GPC4: variants seen among roughly 807,000 people sequenced by gnomAD.
GPC4 encodes the protein glypican 4.
GPC4 carries 10 observed loss-of-function variants against 35.0 expected under a neutral mutation model. That is an observed-to-expected ratio of 0.29 (90% CI 0.18 to 0.48). The LOEUF is 0.48. GPC4 is among the 20% of genes least tolerant of loss of function. GPC4 has a pLI of 0.99. For synonymous variants in GPC4, 167 were observed against 170.2 expected (o/e 0.98, Z 0.15); for missense variants, 322 against 451.3 (o/e 0.71, Z 2.60).
intron 1 of GPC4, among the ~76,000 whole-genome samples, chrX:133,371,961 C>T (rs1198737496): frequency 9.0e-6 from 1 of 111,077 alleles, no homozygotes; most frequent in Non-Finnish European, 1.9e-5. Flanking sequence ...AGGCCGGGCG[C>T]GGTGGCTCAC....
intron 1 of GPC4, among the ~76,000 whole-genome samples, chrX:133,408,896 G>A (rs2068800338): frequency 9.0e-6 from 1 of 111,100 alleles, no homozygotes. Flanking sequence ...TGGAATGGTG[G>A]TTCATGCCTG....
chrX:133,307,544 A>G (rs932474334), intron 4 of GPC4, among the ~76,000 whole-genome samples: 1 of 112,092 alleles, frequency 8.9e-6, no homozygotes, highest in East Asian at 2.8e-4. Flanking sequence ...AACTCTAAGT[A>G]AGGGCTGAAA....
intron 1 of GPC4, among the ~76,000 whole-genome samples, chrX:133,358,949 C>T (rs2068554167): frequency 9.0e-6 from 1 of 110,682 alleles, no homozygotes. Context: ...CCAAGATCTA[C>T]AGCCAAGATC....
intron 1 of GPC4, among the ~76,000 whole-genome samples, chrX:133,342,014 C>T (rs112635240): frequency 2.6e-4 from 27 of 105,873 alleles, no homozygotes; most frequent in Middle Eastern, 4.8e-3. Flanking sequence ...CACTGGGGCA[C>T]GTCTTTGTTT....
At chrX:133,390,891 C>T (rs1271649570) in intron 1 of GPC4, among the ~76,000 whole-genome samples, 2 of 111,735 alleles carry the variant, frequency 1.8e-5, no homozygotes. Flanking sequence ...CAGGGACTAG[C>T]ATCCAGGCTT....
chrX:133,353,419 G>A (rs145721625), intron 1 of GPC4, among the ~76,000 whole-genome samples: 237 of 111,971 alleles, frequency 2.1e-3, no homozygotes, highest in African/African-American at 6.4e-3. Context: ...GCTTGAGACC[G>A]GATGCTCACA....
intron 1 of GPC4, among the ~76,000 whole-genome samples, chrX:133,349,651 C>T (rs777020872): frequency 8.9e-6 from 1 of 112,180 alleles, no homozygotes; most frequent in South Asian, 3.7e-4. Context: ...CACAGGGTCT[C>T]GCTTTGTCAC....
chrX:133,384,929 G>A (rs2068681509), intron 1 of GPC4, among the ~76,000 whole-genome samples: 2 of 111,982 alleles, frequency 1.8e-5, no homozygotes, highest in Admixed American at 9.5e-5. Context: ...GATCTCTGCA[G>A]AAGCCCTCTG....
intron 1 of GPC4, among the ~76,000 whole-genome samples, chrX:133,351,415 G>A (rs919968285): frequency 1.0e-5 from 1 of 98,379 alleles, no homozygotes; most frequent in Admixed American, 1.2e-4. Flanking sequence ...AATAGATCAC[G>A]TGCAATGGTT....
chrX:133,335,831 T>C (rs2068440692), intron 2 of GPC4, among the ~76,000 whole-genome samples: 1 of 112,399 alleles, frequency 8.9e-6, no homozygotes, highest in South Asian at 3.7e-4. Flanking sequence ...CTCATAGACA[T>C]AGACAGGTTT....
chrX:133,339,927 T>C (rs2068459300), intron 1 of GPC4, among the ~76,000 whole-genome samples: 1 of 112,215 alleles, frequency 8.9e-6, no homozygotes, highest in Non-Finnish European at 1.9e-5. Context: ...GGGGTGATGG[T>C]AATCCTCAAT....
intron 1 of GPC4, among the ~76,000 whole-genome samples, chrX:133,378,508 G>A (rs1408945953): frequency 1.9e-5 from 2 of 105,543 alleles, no homozygotes; most frequent in African/African-American, 7.0e-5. Context: ...CCCTGGAGGT[G>A]GAGCTTGCAG....
intron 1 of GPC4, among the ~76,000 whole-genome samples, chrX:133,348,245 G>A (rs2068501890): frequency 8.9e-6 from 1 of 111,997 alleles, no homozygotes. Context: ...CTATACCAAA[G>A]GTTTATTAAG....
In GPC4 at chrX:133,415,096, G is replaced by A; in HGVS notation, c.-131C>T. The A allele has an allele frequency of 1.5e-6, 1 of 654,794 alleles. No homozygotes were observed. The highest frequency in any genetic ancestry group is 3.6e-5 in the East Asian group (1 of 27,885). 54.0% of individuals were successfully genotyped at this position (654,794 alleles called of 1,213,427 possible). ...GGAGGGAGAAGGAGTTGGAGTTGGTGGAAGAGGCGAGCAGGCGGAGGAGAC... is the reference window on the plus strand; with the variant it reads ...GGAGGGAGAAGGAGTTGGAGTTGGTAGAAGAGGCGAGCAGGCGGAGGAGAC... On this transcript the variant is annotated 5_prime_UTR_variant, in exon 1 of 9. Coordinates refer to ENST00000370828, the MANE Select transcript of GPC4 (RefSeq NM_001448.3).
intron 3 of GPC4, among the ~76,000 whole-genome samples, chrX:133,313,781 C>T (rs1473418442): frequency 8.9e-6 from 1 of 112,209 alleles, no homozygotes; most frequent in Non-Finnish European, 1.9e-5. Flanking sequence ...CCTTATCAAG[C>T]ATTTGTGATG....
intron 1 of GPC4, among the ~76,000 whole-genome samples, chrX:133,385,102 T>G (rs192614325): frequency 8.9e-6 from 1 of 112,334 alleles, no homozygotes; most frequent in Admixed American, 9.5e-5. Flanking sequence ...CCTGCACCTT[T>G]CCAGCTGTGA....
intron 1 of GPC4, among the ~76,000 whole-genome samples, chrX:133,344,539 T>C (rs1392727211): frequency 2.7e-5 from 3 of 110,659 alleles, no homozygotes; most frequent in Non-Finnish European, 3.8e-5. Context: ...TTTTCAACTA[T>C]GTCTAACAAC....
intron 1 of GPC4, among the ~76,000 whole-genome samples, chrX:133,408,505 G>A (rs1036829739): frequency 1.1e-4 from 12 of 111,684 alleles, no homozygotes; most frequent in Middle Eastern, 4.6e-3. Flanking sequence ...TTGGGAGGCC[G>A]AGGTGGATCA....
intron 1 of GPC4, among the ~76,000 whole-genome samples, chrX:133,402,911 A>G (rs1443220318): frequency 2.4e-5 from 1 of 41,651 alleles, no homozygotes; most frequent in Non-Finnish European, 3.9e-5. Context: ...CTCAAAAGGA[A>G]AAAAAAAAAA....
Sources: gnomAD v4.1 joint callset for allele counts (sites outside exome capture counted in the v4.1 genomes callset) on GRCh38, gnomAD v4.1.1 for gene constraint, MANE v1.5 for transcripts, NCBI Gene and HGNC (gene_info 2026-07-23, HGNC 2026-07-21) for gene names.